The following SH2D4A variants were observed in gnomAD, a reference collection of about 807,000 sequenced individuals.
SH2D4A encodes the protein SH2 domain containing 4A.
Under a neutral mutation model 64.7 loss-of-function variants are expected in SH2D4A, and 70 were observed. The observed-to-expected ratio is 1.08, with a 90% CI of 0.89 to 1.32. The LOEUF (loss-of-function observed/expected upper bound fraction) is 1.32. SH2D4A is among the 40% of genes most tolerant of loss of function. The pLI is 0.00. For synonymous variants in SH2D4A, 268 were observed against 200.7 expected, an observed-to-expected ratio of 1.34 and a Z score of -2.83; for missense variants, 706 against 540.1, an observed-to-expected ratio of 1.31 and a Z score of -3.04.
At chr8:19,342,359 A>C (rs747809597) in intron 4 of SH2D4A, among the ~76,000 whole-genome samples, 2 of 152,214 alleles carry the variant, frequency 1.3e-5, no homozygotes, top group Non-Finnish European at 2.9e-5. Context: ...TACTCACTAG[A>C]ATTTTGAATA....
At chr8:19,376,907 C>A (rs925695387) in intron 8 of SH2D4A, among the ~76,000 whole-genome samples, 2 of 152,120 alleles carry the variant, frequency 1.3e-5, no homozygotes, top group African/African-American at 4.8e-5. Flanking sequence ...CATGAAAGAT[C>A]ATACAAATTT....
intron 7 of SH2D4A, among the ~76,000 whole-genome samples, chr8:19,368,099 A>G (rs1281486763): frequency 6.6e-6 from 1 of 152,092 alleles, no homozygotes; most frequent in Non-Finnish European, 1.5e-5. Context: ...TCTCAGTACC[A>G]TATATTGAAG....
At chr8:19,340,604 T>TC (rs1467343138) in intron 4 of SH2D4A, among the ~76,000 whole-genome samples, 1,258 of 91,632 alleles carry the variant, frequency 0.014, 7 homozygotes, top group African/African-American at 0.046. Flanking sequence ...TTTCTTTCTT[T>TC]TTTTTTTTTT....
intron 4 of SH2D4A, among the ~76,000 whole-genome samples, chr8:19,347,080 T>C (rs977718937): frequency 6.6e-6 from 1 of 152,158 alleles, no homozygotes; most frequent in African/African-American, 2.4e-5. Flanking sequence ...TCCTTACTTT[T>C]TGGCAGTGGT....
intron 8 of SH2D4A, among the ~76,000 whole-genome samples, chr8:19,389,673 C>T (rs2053453876): frequency 6.6e-6 from 1 of 152,172 alleles, no homozygotes; most frequent in Non-Finnish European, 1.5e-5. Flanking sequence ...CAGACTGTTG[C>T]CTGGGTGAAG....
At chr8:19,376,190 C>G (rs766396755) in intron 8 of SH2D4A, among the ~76,000 whole-genome samples, 25 of 152,150 alleles carry the variant, frequency 1.6e-4, no homozygotes, top group Non-Finnish European at 3.4e-4. Flanking sequence ...CTATTCCCAT[C>G]CAAATGCCCC....
At chr8:19,332,216 G>A (rs901680138) in intron 2 of SH2D4A, among the ~76,000 whole-genome samples, 1 of 152,198 alleles carries the variant, frequency 6.6e-6, no homozygotes, top group Non-Finnish European at 1.5e-5. Flanking sequence ...AGCAGCTGTG[G>A]AATTCTGGGT....
chr8:19,361,634 GA>G (rs1304234197), intron 6 of SH2D4A, among the ~76,000 whole-genome samples: 1 of 151,952 alleles, frequency 6.6e-6, no homozygotes, highest in Non-Finnish European at 1.5e-5. Context: ...GCTTGGGGAA[GA>G]AAAAACACCA....
At chr8:19,389,060 C>T (rs1021839408) in intron 8 of SH2D4A, among the ~76,000 whole-genome samples, 3 of 152,158 alleles carry the variant, frequency 2.0e-5, no homozygotes, top group Admixed American at 1.3e-4. Context: ...CTCAGCAGGT[C>T]TAGGAGAAAC....
intron 8 of SH2D4A, among the ~76,000 whole-genome samples, chr8:19,388,528 A>G (rs560655754): frequency 6.6e-6 from 1 of 152,360 alleles, no homozygotes; most frequent in South Asian, 2.1e-4. Flanking sequence ...TTTGAGGATA[A>G]TAACAATATA....
intron 4 of SH2D4A, among the ~76,000 whole-genome samples, chr8:19,342,380 A>G (rs2052542832): frequency 1.3e-5 from 2 of 152,230 alleles, no homozygotes; most frequent in South Asian, 4.1e-4. Flanking sequence ...GGATAAAATC[A>G]GGTTAATAGA....
At chr8:19,376,429 C>T (rs535216750) in intron 8 of SH2D4A, among the ~76,000 whole-genome samples, 66 of 152,228 alleles carry the variant, frequency 4.3e-4, no homozygotes, top group Admixed American at 2.2e-3. Flanking sequence ...TGAGACCAGC[C>T]TGACCAATGG....
At chr8:19,323,307 C>T (rs1194052689) in intron 2 of SH2D4A, among the ~76,000 whole-genome samples, 1 of 151,766 alleles carries the variant, frequency 6.6e-6, no homozygotes, top group Non-Finnish European at 1.5e-5. Flanking sequence ...ATTGTATATT[C>T]CTTATATATG....
chr8:19,322,880 G>A (rs924621272), intron 2 of SH2D4A, among the ~76,000 whole-genome samples: 2 of 151,910 alleles, frequency 1.3e-5, no homozygotes, highest in African/African-American at 4.8e-5. Context: ...TCACCATGTT[G>A]GCCAGCCTGG....
intron 8 of SH2D4A, among the ~76,000 whole-genome samples, chr8:19,380,949 C>T (rs1040885389): frequency 2.6e-5 from 4 of 151,888 alleles, no homozygotes; most frequent in African/African-American, 9.7e-5. Context: ...ATCTGTATAT[C>T]ATTTTGCATA....
chr8:19,342,475 G>A (rs929727385), intron 4 of SH2D4A, among the ~76,000 whole-genome samples: 1 of 152,236 alleles, frequency 6.6e-6, no homozygotes, highest in Non-Finnish European at 1.5e-5. Context: ...GAAACGGGCA[G>A]ATTTGCCTTA....
chr8:19,374,716 C>G (rs996190112), intron 8 of SH2D4A, among the ~76,000 whole-genome samples: 1 of 152,152 alleles, frequency 6.6e-6, no homozygotes, highest in African/African-American at 2.4e-5. Flanking sequence ...AAGTATCCAT[C>G]TCAGAGGAGT....
chr8:19,373,533 T>G lies in SH2D4A; in HGVS notation c.921T>G (p.Asn307Lys). 1 of 1,579,790 alleles carries G rather than the reference T, an allele frequency of 6.3e-7. No homozygotes were observed. The highest frequency in any genetic ancestry group is 8.6e-7 in the Non-Finnish European group (1 of 1,163,632). ...SGAYPQKPLR[N>K]QGVVRTLSSS... Reference sequence around the variant, plus strand: ...GAAAAACTTTTATAAATAACAGAAATCAGGGAGTGGTGAGGACACTGTCCA... The same window carrying G: ...GAAAAACTTTTATAAATAACAGAAAGCAGGGAGTGGTGAGGACACTGTCCA... The change falls in exon 8 of 10, where the codon AAT (asparagine) becomes AAG (lysine). Residue 307 changes from asparagine to lysine, a missense_variant. Asn to Lys is a moderately conservative substitution (Grantham distance 94). Transcript: ENST00000265807.
At chr8:19,331,997 T>A (rs2052370635) in intron 2 of SH2D4A, among the ~76,000 whole-genome samples, 1 of 152,080 alleles carries the variant, frequency 6.6e-6, no homozygotes, top group Non-Finnish European at 1.5e-5. Flanking sequence ...CTACAAAAAA[T>A]TTTAAAAATT....
Sources: allele counts gnomAD v4.1 joint callset (sites outside exome capture counted in the v4.1 genomes callset), GRCh38; gene constraint gnomAD v4.1.1; transcripts MANE v1.5; gene names NCBI Gene and HGNC (gene_info 2026-07-23, HGNC 2026-07-21).